UGCG: variants seen among roughly 807,000 people sequenced by gnomAD.
UGCG encodes the protein UDP-glucose ceramide glucosyltransferase.
Under a neutral mutation model 49.5 loss-of-function variants are expected in UGCG, and 10 were observed. That is an observed-to-expected ratio of 0.20 (90% confidence interval 0.12 to 0.34). The LOEUF is 0.34. Ranked by LOEUF, UGCG falls within the 10% of genes least tolerant of loss-of-function variation. UGCG has a pLI of 1.00. For synonymous variants in UGCG, 182 were observed against 158.2 expected (o/e 1.15, Z -1.13); for missense variants, 312 against 483.7 (o/e 0.65, Z 3.33).
At chr9:111,909,696 T>C (rs1837960513) in intron 1 of UGCG, among the ~76,000 whole-genome samples, 1 of 152,268 alleles carries the variant, frequency 6.6e-6, no homozygotes, top group South Asian at 2.1e-4. Context: ...CACTGTGTGC[T>C]GAGCCTAGTG....
Position 111,922,907 on chromosome 9 carries a change from A to G in UGCG, c.299A>G (p.Lys100Arg). The G allele has an allele frequency of 6.2e-7, 1 of 1,613,302 alleles. No homozygotes were observed. Among genetic ancestry groups the G allele is most frequent in the Non-Finnish European group, 8.5e-7 (1 of 1,179,750 alleles). ...HDDPAIDVCK[K>R]LLGKYPNVDA... ...GATCCAGCCATTGATGTATGTAAGA[A>G]GCTTCTTGGAAAATATCCAAATGTT... The change falls in exon 3 of 9, where the codon AAG becomes AGG. Residue 100 changes from lysine to arginine, a missense_variant. Lys to Arg is a conservative substitution (Grantham distance 26, BLOSUM62 2). Coordinates refer to ENST00000374279, the MANE Select transcript of UGCG (RefSeq NM_003358.3).
intron 1 of UGCG, among the ~76,000 whole-genome samples, chr9:111,906,423 GTGTTTTGTTT>G (rs374371753): frequency 9.0e-4 from 136 of 151,572 alleles, no homozygotes; most frequent in African/African-American, 2.9e-3. Context: ...TTTTGTGTGT[GTGTTTTGTTT>G]TGTTTTGTTT....
At chr9:111,914,942 C>T in intron 2 of UGCG, 196 bp downstream of exon 2, 1 of 659,754 alleles carries the variant, frequency 1.5e-6, no homozygotes, top group South Asian at 3.1e-5. Flanking sequence ...AATTCCCTTT[C>T]TAACCACCTA....
chr9:111,897,587 G>T (rs116926718), intron 1 of UGCG, among the ~76,000 whole-genome samples: 2,828 of 152,304 alleles, frequency 0.019, 37 homozygotes, highest in Non-Finnish European at 0.029. Flanking sequence ...CAGGCTGAAG[G>T]TGGTGGCTTG....
chr9:111,903,081 T>C (rs898029182), intron 1 of UGCG, among the ~76,000 whole-genome samples: 1 of 151,144 alleles, frequency 6.6e-6, no homozygotes, highest in Non-Finnish European at 1.5e-5. Flanking sequence ...CCCAGCCGAG[T>C]GAAATTCTTG....
chr9:111,930,546 C>T (rs1838407763), intron 6 of UGCG, among the ~76,000 whole-genome samples: 1 of 151,076 alleles, frequency 6.6e-6, no homozygotes, highest in South Asian at 2.1e-4. Context: ...CGGCTCACTG[C>T]AGTCTCCGCC....
intron 1 of UGCG, among the ~76,000 whole-genome samples, chr9:111,908,557 A>G (rs1443910003): frequency 2.0e-5 from 3 of 152,236 alleles, no homozygotes; most frequent in East Asian, 1.9e-4. Context: ...ACTTTATAAT[A>G]TGTACATTAT....
chr9:111,903,500 G>T (rs1234152805), intron 1 of UGCG, among the ~76,000 whole-genome samples: 1 of 152,232 alleles, frequency 6.6e-6, no homozygotes, highest in African/African-American at 2.4e-5. Context: ...AGGAGGTGGG[G>T]CTTGCAGTGA....
rs1302555724 is a variant in UGCG at position 111,897,059 on chromosome 9, C to T, written c.-157C>T. 13 of 399,774 alleles carry T rather than the reference C, an allele frequency of 3.3e-5. No individual in the cohort carries two copies. Among genetic ancestry groups the T allele is most frequent in the African/African-American group, 2.6e-4 (12 of 46,064 alleles). 24.8% of individuals were successfully genotyped at this position (399,774 alleles called of 1,614,324 possible). On this transcript the variant is annotated 5_prime_UTR_variant, in exon 1 of 9. Transcript: ENST00000374279. Reference sequence around the variant, plus strand: ...CGGGCGGGGGCGCGCAGGCCCTGCCCGCCCCTTCCGTCCCCACCCCCCTCC... The same window carrying T: ...CGGGCGGGGGCGCGCAGGCCCTGCCTGCCCCTTCCGTCCCCACCCCCCTCC...
At chr9:111,927,635 T>TA (rs1838342316) in intron 5 of UGCG, among the ~76,000 whole-genome samples, 1 of 152,092 alleles carries the variant, frequency 6.6e-6, no homozygotes, top group Non-Finnish European at 1.5e-5. Flanking sequence ...GTATTTTTGA[T>TA]AGAGACAGGT....
At chr9:111,905,840 T>G (rs974290551) in intron 1 of UGCG, among the ~76,000 whole-genome samples, 3 of 152,248 alleles carry the variant, frequency 2.0e-5, no homozygotes, top group African/African-American at 2.4e-5. Context: ...GCTTGTGTAT[T>G]TACCTTACGG....
intron 1 of UGCG, among the ~76,000 whole-genome samples, chr9:111,914,293 C>T (rs959695005): frequency 6.6e-6 from 1 of 152,016 alleles, no homozygotes; most frequent in African/African-American, 2.4e-5. Flanking sequence ...CTTTTGGCTT[C>T]CCTTGGTCGT....
chr9:111,904,301 A>G (rs1837834176), intron 1 of UGCG, among the ~76,000 whole-genome samples: 1 of 152,276 alleles, frequency 6.6e-6, no homozygotes, highest in South Asian at 2.1e-4. Context: ...GACTAATACT[A>G]CTACACATTG....
rs1328759918 is a variant in UGCG at position 111,932,289 on chromosome 9, T to C, written c.944T>C (p.Ile315Thr). The C allele has an allele frequency of 6.2e-7, 1 of 1,614,038 alleles. No homozygotes were observed. The highest frequency in any genetic ancestry group is 1.7e-5 in the Admixed American group (1 of 60,004). The change falls in exon 8 of 9, where the codon ATT becomes ACT. Residue 315 changes from isoleucine (I) to threonine (T), a missense_variant. Around this residue, in one of 4 missense-constraint regions of UGCG, gnomAD observed 180 missense variants for 320.4 expected, o/e 0.56. Transcript: ENST00000374279. The part of the protein sequence containing the change: ...WAAHHVFRWD[I>T]MVFFMCHCLA... ...GCCCACCATGTGTTCAGATGGGATA[T>C]TATGGTATTTTTCATGTGTCATTGC...
intron 1 of UGCG, among the ~76,000 whole-genome samples, chr9:111,908,622 C>T (rs1378648587): frequency 6.6e-6 from 1 of 152,192 alleles, no homozygotes; most frequent in Non-Finnish European, 1.5e-5. Context: ...GTCAAGGCTG[C>T]AAGCCAGATG....
At chr9:111,930,981 T>G (rs979330193) in intron 6 of UGCG, among the ~76,000 whole-genome samples, 1 of 152,258 alleles carries the variant, frequency 6.6e-6, no homozygotes, top group African/African-American at 2.4e-5. Context: ...CTATTAAATA[T>G]GGAGCCCTCT....
chr9:111,924,401 GTACTTA>G (rs1838280879), intron 3 of UGCG, among the ~76,000 whole-genome samples: 1 of 152,088 alleles, frequency 6.6e-6, no homozygotes, highest in African/African-American at 2.4e-5. Context: ...ACTTTCTCAT[GTACTTA>G]TACTTTATTT....
intron 3 of UGCG, among the ~76,000 whole-genome samples, chr9:111,924,132 C>A (rs1169961497): frequency 6.6e-6 from 1 of 152,136 alleles, no homozygotes; most frequent in Non-Finnish European, 1.5e-5. Flanking sequence ...TATAATCTTA[C>A]TGTATTTATG....
At chr9:111,926,587 A>G (rs1838315766) in intron 5 of UGCG, 91 bp downstream of exon 5, 1 of 947,966 alleles carries the variant, frequency 1.1e-6, no homozygotes, top group Admixed American at 2.8e-5. Flanking sequence ...TAGGTATCTC[A>G]AGTTAACTGT....
Sources: gnomAD v4.1 joint callset for allele counts (sites outside exome capture counted in the v4.1 genomes callset) on GRCh38, gnomAD v4.1.1 for gene constraint, gnomAD v4.1.1 regional missense constraint, MANE v1.5 for transcripts, NCBI Gene and HGNC (gene_info 2026-07-23, HGNC 2026-07-21) for gene names.